The following RAB6A variants were observed in gnomAD, a reference collection of about 807,000 sequenced individuals.
RAB6A encodes the protein RAB6A, member RAS oncogene family.
Under a neutral mutation model 32.3 loss-of-function variants are expected in RAB6A, and 8 were observed. The observed-to-expected ratio is 0.25, with a 90% CI of 0.15 to 0.45. The LOEUF is 0.45. Ranked by LOEUF, RAB6A falls within the 20% of genes least tolerant of loss-of-function variation. The probability of loss-of-function intolerance (pLI) is 1.00; values close to 1 mark genes in which losing one functional copy is unlikely to be tolerated. For missense variants in RAB6A, 104 were observed against 249.4 expected (o/e 0.42, Z 3.93); for synonymous variants, 73 against 82.1 (o/e 0.89, Z 0.60).
intron 1 of RAB6A, among the ~76,000 whole-genome samples, chr11:73,737,227 G>GT (rs1946412239): frequency 6.6e-6 from 1 of 152,160 alleles, no homozygotes; most frequent in South Asian, 2.1e-4. Context: ...GTTGGCTCGT[G>GT]TATGTAATCC....
At chr11:73,740,130 T>G (rs904406105) in intron 1 of RAB6A, among the ~76,000 whole-genome samples, 1 of 152,032 alleles carries the variant, frequency 6.6e-6, no homozygotes, top group African/African-American at 2.4e-5. Flanking sequence ...AATTCTGACC[T>G]GCTTCATAAT....
intron 2 of RAB6A, among the ~76,000 whole-genome samples, chr11:73,728,749 T>G (rs1233778598): frequency 6.6e-6 from 1 of 151,842 alleles, no homozygotes; most frequent in African/African-American, 2.4e-5. Flanking sequence ...ATAGGGGATA[T>G]TGGTCTGTAG....
chr11:73,732,642 C>T (rs1483084679), intron 1 of RAB6A, among the ~76,000 whole-genome samples: 1 of 152,002 alleles, frequency 6.6e-6, no homozygotes, highest in Admixed American at 6.6e-5. Flanking sequence ...GCCTTGTAAA[C>T]CCAGCTACTT....
chr11:73,693,308 A>C (rs1021480943), intron 6 of RAB6A, among the ~76,000 whole-genome samples: 2 of 151,956 alleles, frequency 1.3e-5, no homozygotes, highest in Non-Finnish European at 2.9e-5. Flanking sequence ...ATAAATAAAT[A>C]AATAAATAAA....
intron 5 of RAB6A, among the ~76,000 whole-genome samples, chr11:73,713,227 A>AGCATTTG (rs1945993085): frequency 6.6e-6 from 1 of 152,146 alleles, no homozygotes; most frequent in Admixed American, 6.5e-5. Context: ...GATCTTACAG[A>AGCATTTG]GCATTTGGCA....
At chr11:73,749,405 T>C (rs1421132139) in intron 1 of RAB6A, among the ~76,000 whole-genome samples, 1 of 151,852 alleles carries the variant, frequency 6.6e-6, no homozygotes, top group Non-Finnish European at 1.5e-5. Context: ...CTGGGTAGAG[T>C]GTACACTGCT....
chr11:73,711,188 A>G (rs1945952584), intron 5 of RAB6A, among the ~76,000 whole-genome samples: 1 of 152,052 alleles, frequency 6.6e-6, no homozygotes, highest in South Asian at 2.1e-4. Context: ...TGTATCCTCT[A>G]CCTCTACCAT....
intron 1 of RAB6A, among the ~76,000 whole-genome samples, chr11:73,744,557 A>T (rs1946554484): frequency 1.4e-5 from 2 of 143,228 alleles, no homozygotes; most frequent in East Asian, 2.1e-4. Context: ...AGAATTTTAG[A>T]TGGCAGCAGG....
chr11:73,719,024 G>T, intron 3 of RAB6A: 1 of 739,542 alleles, frequency 1.4e-6, no homozygotes. Flanking sequence ...AGGTTGCAGG[G>T]AGTGAGGAAT....
Position 73,683,201 on chromosome 11 carries a change from T to C in RAB6A, c.496-3481A>G, listed in dbSNP as rs1159509848. On this transcript the variant is annotated intron_variant, in intron 6 of 7. Transcript: ENST00000336083. ...GTTAACAGCATTTTGCAGATACATT[T>C]TTTATTTTTGTATACAGAAATTCAC... 2.0e-5 allele frequency among the ~76,000 whole-genome samples: 3 copies of C among 152,090 alleles called. No individual in the cohort carries two copies. In the East Asian group the frequency reaches 5.8e-4, roughly 29 times the overall value.
intron 6 of RAB6A, among the ~76,000 whole-genome samples, chr11:73,680,654 C>T (rs553253999): frequency 9.7e-4 from 109 of 112,122 alleles, no homozygotes; most frequent in South Asian, 2.3e-3. Flanking sequence ...TTCTTCTTGG[C>T]GGGGGTGTGG....
In RAB6A at chr11:73,676,482, T is replaced by TA. The variant is rs71469460; in HGVS notation, c.*1415dup. 10,646 of 151,748 alleles carry TA rather than the reference T, an allele frequency of 0.07. 380 individuals carry two copies. Among genetic ancestry groups the TA allele is most frequent in the Middle Eastern group, 0.13 (35 of 276 alleles). The allele number at this position is 151,748 out of a possible 1,614,324, so 9.4% of individuals were successfully genotyped here. A position where few individuals can be genotyped will look rare whatever the true frequency, so the allele number is the denominator to read the frequency against. ...GAAACATCTGAAGATTGAAAGTTGTTAAAAAAAAAAAAGGCAAAGAAATAA... is the reference window on the plus strand; with the variant it reads ...GAAACATCTGAAGATTGAAAGTTGTTAAAAAAAAAAAAAGGCAAAGAAATAA... On this transcript the variant is annotated 3_prime_UTR_variant, in exon 8 of 8. Coordinates refer to ENST00000336083, the MANE Select transcript of RAB6A (RefSeq NM_198896.2).
rs58629008 is a variant in RAB6A, at chr11:73,739,263, T to TAAAA, written c.71-8444_71-8441dup. On this transcript the variant is annotated intron_variant, in intron 1 of 7. Coordinates refer to ENST00000336083, the MANE Select transcript of RAB6A (RefSeq NM_198896.2). ...GCAAAAAAAAAATAGTAATAATAAT[T>TAAAA]AAAAAAAAAAAAAAAAAAAAAATAT... is the stretch of plus-strand genomic sequence containing the variant. 3.1e-3 allele frequency among the ~76,000 whole-genome samples: 29 copies of TAAAA among 9,378 alleles called. 1 individual carries two copies. Among genetic ancestry groups the TAAAA allele is most frequent in the Non-Finnish European group, 3.7e-3 (20 of 5,344 alleles). 6.2% of individuals were successfully genotyped at this position (9,378 alleles called of 152,430 possible). A position where few individuals can be genotyped will look rare whatever the true frequency, so the allele number is the denominator to read the frequency against.
intron 2 of RAB6A, among the ~76,000 whole-genome samples, chr11:73,721,920 T>C (rs1000173553): frequency 8.6e-5 from 13 of 151,994 alleles, no homozygotes; most frequent in African/African-American, 2.7e-4. Context: ...AGCAGAAAAA[T>C]AGAATTTTGT....
chr11:73,705,767 TGAGAGAGAGAGA>T (rs3046616), intron 6 of RAB6A, among the ~76,000 whole-genome samples: 38 of 134,838 alleles, frequency 2.8e-4, no homozygotes, highest in Admixed American at 1.8e-3. Flanking sequence ...ATAATTCCGA[TGAGAGAGAGAGA>T]GAGAGAGAGA....
At chr11:73,686,936 C>T (rs1427089418) in intron 6 of RAB6A, among the ~76,000 whole-genome samples, 1 of 151,960 alleles carries the variant, frequency 6.6e-6, no homozygotes, top group African/African-American at 2.4e-5. Flanking sequence ...ATGTTCATGG[C>T]AGCATTATTG....
intron 3 of RAB6A, chr11:73,718,993 T>C (rs1214752278): frequency 6.5e-6 from 7 of 1,073,702 alleles, no homozygotes; most frequent in Non-Finnish European, 8.0e-6. Flanking sequence ...GGGAAGGAAG[T>C]AGAAAGAAGA....
chr11:73,745,068 T>G (rs1004579933), intron 1 of RAB6A, among the ~76,000 whole-genome samples: 2 of 151,856 alleles, frequency 1.3e-5, no homozygotes, highest in African/African-American at 4.8e-5. Flanking sequence ...CTCAAACACT[T>G]AAGTGTAGAA....
chr11:73,725,961 T>C (rs1023082923), intron 2 of RAB6A, among the ~76,000 whole-genome samples: 19 of 152,050 alleles, frequency 1.2e-4, no homozygotes, highest in Admixed American at 9.8e-4. Context: ...GTCATCAGTC[T>C]GGGCAACATG....
Sources: gnomAD v4.1 joint callset for allele counts (sites outside exome capture counted in the v4.1 genomes callset) on GRCh38, gnomAD v4.1.1 for gene constraint, MANE v1.5 for transcripts, NCBI Gene and HGNC (gene_info 2026-07-23, HGNC 2026-07-21) for gene names.